SGSM3: variants seen among roughly 807,000 people sequenced by gnomAD.
SGSM3 encodes small G protein signaling modulator 3.
Under a neutral mutation model 100.5 loss-of-function variants are expected in SGSM3, and 96 were observed. That is an observed-to-expected ratio of 0.96 (90% CI 0.81 to 1.13). The LOEUF (loss-of-function observed/expected upper bound fraction) is 1.13. Ranked by LOEUF, SGSM3 falls within the 50% of genes most tolerant of loss-of-function variation. The pLI is 0.00. For synonymous variants in SGSM3, 483 were observed against 422.8 expected (o/e 1.14, Z -1.75); for missense variants, 1,001 against 1,015.8 (o/e 0.99, Z 0.20).
At chr22:40,391,770 T>G (rs890399018) in intron 1 of SGSM3, among the ~76,000 whole-genome samples, 1 of 152,218 alleles carries the variant, frequency 6.6e-6, no homozygotes, top group African/African-American at 2.4e-5. Context: ...TCATTTTGTT[T>G]GCATCTTACT....
chr22:40,389,774 C>T (rs1224192000), intron 1 of SGSM3, among the ~76,000 whole-genome samples: 1 of 149,066 alleles, frequency 6.7e-6, no homozygotes, highest in Non-Finnish European at 1.5e-5. Flanking sequence ...TGTGGTGCTG[C>T]ATGCCTGTAA....
At chr22:40,397,530 A>G (rs1352755110) in intron 1 of SGSM3, among the ~76,000 whole-genome samples, 1 of 152,178 alleles carries the variant, frequency 6.6e-6, no homozygotes, top group Non-Finnish European at 1.5e-5. Context: ...CCACCTCTGC[A>G]AGACAGCCAG....
chr22:40,378,564 A>G (rs1455235099), intron 1 of SGSM3, among the ~76,000 whole-genome samples: 3 of 151,862 alleles, frequency 2.0e-5, no homozygotes, highest in Non-Finnish European at 4.4e-5. Context: ...CCCCATCTCT[A>G]CTACCAAAAA....
intron 1 of SGSM3, among the ~76,000 whole-genome samples, chr22:40,400,328 T>C (rs1432358056): frequency 6.6e-6 from 1 of 152,178 alleles, no homozygotes; most frequent in African/African-American, 2.4e-5. Context: ...GAGCCTTTAA[T>C]TCTGTGGTTA....
At chr22:40,396,728 C>G (rs2050104686) in intron 1 of SGSM3, among the ~76,000 whole-genome samples, 1 of 151,646 alleles carries the variant, frequency 6.6e-6, no homozygotes, top group Non-Finnish European at 1.5e-5. Flanking sequence ...AAATAGGACA[C>G]AGGACAGGAC....
At chr22:40,386,887 T>C (rs943804327) in intron 1 of SGSM3, among the ~76,000 whole-genome samples, 2 of 152,206 alleles carry the variant, frequency 1.3e-5, no homozygotes, top group African/African-American at 4.8e-5. Flanking sequence ...TTTGCTCTTA[T>C]GAGAATTCTC....
intron 1 of SGSM3, among the ~76,000 whole-genome samples, chr22:40,372,195 C>T (rs1389053489): frequency 7.7e-6 from 1 of 130,492 alleles, no homozygotes; most frequent in African/African-American, 2.9e-5. Flanking sequence ...GGCGCGATCT[C>T]GGCTCACTGC....
At chr22:40,393,617 G>T (rs149829833) in intron 1 of SGSM3, among the ~76,000 whole-genome samples, 51 of 152,342 alleles carry the variant, frequency 3.3e-4, no homozygotes, top group African/African-American at 1.2e-3. Flanking sequence ...TGACACGGAT[G>T]ATCACCCACT....
At chr22:40,403,224 G>C (rs758446404) in intron 4 of SGSM3, among the ~76,000 whole-genome samples, 2 of 152,346 alleles carry the variant, frequency 1.3e-5, no homozygotes, top group Middle Eastern at 3.4e-3. Context: ...TGTAGGTAAA[G>C]TCATTAAAGT....
intron 1 of SGSM3, among the ~76,000 whole-genome samples, chr22:40,377,562 G>A (rs2046842896): frequency 6.6e-6 from 1 of 152,208 alleles, no homozygotes; most frequent in African/African-American, 2.4e-5. Flanking sequence ...TAGGCCTGGT[G>A]TCGTGGCTCA....
Position 40,404,406 on chromosome 22 carries a change from A to C in SGSM3, c.317A>C (p.Lys106Thr), listed in dbSNP as rs1240451419. 1 of 1,607,912 alleles carries C rather than the reference A, an allele frequency of 6.2e-7. No homozygotes were observed. Among genetic ancestry groups the C allele is most frequent in the Non-Finnish European group, 8.5e-7 (1 of 1,176,618 alleles). ...KIAVSLPRSE[K>T]LRSLVLAGIP... The stretch of plus-strand genomic sequence containing the variant: ...GCCGTCTCCCTACCCCGCTCTGAGA[A>C]GCTCCGCTCCCTGGTGCTGGCCGGC... Residue 106 changes from lysine to threonine, a missense_variant, in exon 5 of 22, where the codon AAG becomes ACG. Transcript: ENST00000248929.
chr22:40,393,150 C>T (rs2049578613), intron 1 of SGSM3, among the ~76,000 whole-genome samples: 1 of 152,222 alleles, frequency 6.6e-6, no homozygotes, highest in Non-Finnish European at 1.5e-5. Flanking sequence ...CAGAGTCTCA[C>T]TTTGTTGCCA....
At chr22:40,389,911 A>T (rs2049120055) in intron 1 of SGSM3, among the ~76,000 whole-genome samples, 3 of 145,592 alleles carry the variant, frequency 2.1e-5, no homozygotes, top group Admixed American at 1.5e-4. Flanking sequence ...TCTCAAAAAA[A>T]AAAAGAAAAA....
chr22:40,409,535 G>A lies in SGSM3; in HGVS notation c.2172+10G>A. ...CCCTGCGAAGAGAGAGGTGGGTGGT[G>A]TGGGCCTCGTAGGGCCTGCACTGAT... On this transcript the variant is annotated intron_variant, in intron 21 of 21. Transcript: ENST00000248929. The A allele has an allele frequency of 1.2e-6, 2 of 1,605,132 alleles. No homozygotes were observed. Among genetic ancestry groups the A allele is most frequent in the Non-Finnish European group, 1.7e-6 (2 of 1,176,578 alleles).
intron 1 of SGSM3, among the ~76,000 whole-genome samples, chr22:40,396,223 C>G (rs981194573): frequency 6.6e-6 from 1 of 152,000 alleles, no homozygotes; most frequent in Admixed American, 6.6e-5. Context: ...GAGTTTTTAT[C>G]GATAGCTTCA....
chr22:40,404,754 C>T, intron 6 of SGSM3, 90 bp downstream of exon 6: 1 of 912,524 alleles, frequency 1.1e-6, no homozygotes, highest in South Asian at 1.4e-5. Flanking sequence ...AGAGTGTGCC[C>T]TTGTTGTGGG....
intron 2 of SGSM3, among the ~76,000 whole-genome samples, chr22:40,401,081 T>C (rs1238541246): frequency 6.6e-6 from 1 of 152,224 alleles, no homozygotes; most frequent in Non-Finnish European, 1.5e-5. Context: ...TGTTTTGTAA[T>C]GTGCTGCTGT....
intron 1 of SGSM3, chr22:40,378,052 T>C (rs1355303050): frequency 6.6e-6 from 1 of 152,054 alleles, no homozygotes; most frequent in Non-Finnish European, 1.5e-5. Flanking sequence ...TGACAGACTG[T>C]CTTGGTATGT....
intron 1 of SGSM3, among the ~76,000 whole-genome samples, chr22:40,375,311 G>A (rs2046364925): frequency 6.6e-6 from 1 of 152,186 alleles, no homozygotes; most frequent in Non-Finnish European, 1.5e-5. Context: ...CGGTTGTGGT[G>A]GCTCACGCCT....
Sources: gnomAD v4.1 joint callset for allele counts (sites outside exome capture counted in the v4.1 genomes callset) on GRCh38, gnomAD v4.1.1 for gene constraint, MANE v1.5 for transcripts, NCBI Gene and HGNC (gene_info 2026-07-23, HGNC 2026-07-21) for gene names.